UNC13C: variants seen among roughly 807,000 people sequenced by gnomAD.
The protein encoded by UNC13C is unc-13 homolog C, also known as protein unc-13 homolog C.
UNC13C carries 174 observed loss-of-function variants against 245.4 expected under a neutral mutation model. That is an observed-to-expected ratio of 0.71 (90% CI 0.63 to 0.80). The LOEUF (loss-of-function observed/expected upper bound fraction) is 0.80, where lower values mean the gene tolerates loss of function less well. Among genes scored for constraint, UNC13C ranks in the 30% least tolerant of loss-of-function variants. UNC13C has a pLI of 0.00. For synonymous variants in UNC13C, 992 were observed against 895.1 expected (o/e 1.11, Z -1.93); for missense variants, 2,829 against 2,602.9 (o/e 1.09, Z -1.89).
At chr15:53,870,261 T>C in the UNC13C span, among the ~76,000 whole-genome samples, 8 of 152,226 alleles carry the variant, frequency 5.3e-5, no homozygotes, top group African/African-American at 1.9e-4. Context: ...ATGAATTTTT[T>C]CTATTTTTCT....
At chr15:54,554,420 T>C (rs927810348) in intron 28 of UNC13C, among the ~76,000 whole-genome samples, 1 of 152,064 alleles carries the variant, frequency 6.6e-6, no homozygotes, top group Non-Finnish European at 1.5e-5. Context: ...CCGTATGTGT[T>C]AACTTGAAGC....
In UNC13C at chr15:54,034,375, GCCTTACCATCTCTTTTTGTTC is replaced by G. The variant is rs1383586562; in HGVS notation, c.2983+18497_2983+18517del. 1.1e-3 allele frequency among the ~76,000 whole-genome samples: 173 copies of G among 152,228 alleles called. 1 individual carries two copies. Among genetic ancestry groups the G allele is most frequent in the African/African-American group, 4.1e-3 (171 of 41,544 alleles). On this transcript the variant is annotated intron_variant, in intron 2 of 32. Transcript: ENST00000260323. ...TGTACAAAGTCTGTCTCTCTCTGGG[GCCTTACCATCTCTTTTTGTTC>G]CCTTACCTTATCTTACACCTCTGTA...
intron 8 of UNC13C, among the ~76,000 whole-genome samples, chr15:54,263,626 T>C (rs1453687642): frequency 1.3e-5 from 2 of 152,306 alleles, no homozygotes; most frequent in East Asian, 1.9e-4. Flanking sequence ...AGTTACATTA[T>C]AGGTCATTTA....
chr15:54,342,135 T>C (rs2038748657), intron 17 of UNC13C, among the ~76,000 whole-genome samples: 1 of 152,174 alleles, frequency 6.6e-6, no homozygotes, highest in Non-Finnish European at 1.5e-5. Context: ...GTGAATTGCC[T>C]GTCAATCTTT....
At chr15:54,225,216 T>G (rs936944858) in intron 4 of UNC13C, among the ~76,000 whole-genome samples, 2 of 152,086 alleles carry the variant, frequency 1.3e-5, no homozygotes, top group Non-Finnish European at 2.9e-5. Context: ...ACTATAGCCT[T>G]GTAGTATAGT....
chr15:54,220,835 G>C (rs1253754336), intron 4 of UNC13C, among the ~76,000 whole-genome samples: 1 of 151,890 alleles, frequency 6.6e-6, no homozygotes, highest in Non-Finnish European at 1.5e-5. Context: ...TAGGAGGCTT[G>C]TTTGCCTGTT....
intron 2 of UNC13C, among the ~76,000 whole-genome samples, chr15:54,125,309 A>G (rs1266306302): frequency 1.3e-5 from 2 of 152,094 alleles, no homozygotes; most frequent in African/African-American, 4.8e-5. Context: ...TAAAAATACA[A>G]AAAATTAGCC....
In UNC13C at chr15:54,294,029, C is replaced by T; in HGVS notation, c.3953C>T (p.Thr1318Ile). ...FLGQTIVEVR[T>I]LSGEMDVWYN... ...GGACAAACAATTGTAGAAGTGAGGA[C>T]CTTGAGTGGAGAAATGGATGTCTGG... Residue 1318 changes from threonine (T) to isoleucine (I), a missense_variant, in exon 11 of 33, where the codon ACC (threonine) becomes ATC (isoleucine). Coordinates refer to ENST00000260323, the MANE Select transcript of UNC13C (RefSeq NM_001080534.3). 6.4e-7 allele frequency: 1 copy of T among 1,570,982 alleles called. No individual in the cohort carries two copies. The highest frequency in any genetic ancestry group is 8.6e-7 in the Non-Finnish European group (1 of 1,163,298).
chr15:54,404,185 A>G (rs1487296141), intron 18 of UNC13C, among the ~76,000 whole-genome samples: 2 of 152,246 alleles, frequency 1.3e-5, no homozygotes, highest in Non-Finnish European at 2.9e-5. Context: ...AGGCAGTTAC[A>G]GAGAACCATT....
chr15:54,544,522 T>C (rs926390907), intron 26 of UNC13C, among the ~76,000 whole-genome samples: 1 of 152,196 alleles, frequency 6.6e-6, no homozygotes, highest in African/African-American at 2.4e-5. Flanking sequence ...TGTTTGCAGA[T>C]GACATGATTG....
At chr15:53,969,459 G>T in the UNC13C span, among the ~76,000 whole-genome samples, 4 of 152,050 alleles carry the variant, frequency 2.6e-5, no homozygotes, top group Non-Finnish European at 5.9e-5. Context: ...GAGGCAGGAG[G>T]ATTTCTTAAG....
intron 17 of UNC13C, among the ~76,000 whole-genome samples, chr15:54,349,499 T>C (rs982719329): frequency 6.6e-6 from 1 of 151,988 alleles, no homozygotes; most frequent in Non-Finnish European, 1.5e-5. Flanking sequence ...ATGAAAAAAA[T>C]TATAACCTCA....
chr15:53,947,133 C>A, the UNC13C span, among the ~76,000 whole-genome samples: 1 of 152,084 alleles, frequency 6.6e-6, no homozygotes, highest in Non-Finnish European at 1.5e-5. Flanking sequence ...TTATATGTAA[C>A]CAATTAGCAA....
At chr15:53,907,783 A>G in the UNC13C span, among the ~76,000 whole-genome samples, 9 of 114,964 alleles carry the variant, frequency 7.8e-5, 3 homozygotes, top group South Asian at 6.4e-4. Context: ...CTTCATTGCT[A>G]CTATATCTCT....
In UNC13C at chr15:54,038,124, A is replaced by ATAAAATTTTTTTTTTTTTTTTTTTT; in HGVS notation, c.2983+22239_2983+22240insAAAATTTTTTTTTTTTTTTTTTTTT. On this transcript the variant is annotated intron_variant, in intron 2 of 32. Transcript: ENST00000260323. ...CATATATATATATATATATATATAT[A>ATAAAATTTTTTTTTTTTTTTTTTTT]TTTTTTTTTTTTTTTTCCTGAGACA... is the stretch of plus-strand genomic sequence containing the variant. Among the ~76,000 whole-genome samples, 2 of 45,040 alleles carry ATAAAATTTTTTTTTTTTTTTTTTTT rather than the reference A, an allele frequency of 4.4e-5. 1 individual carries two copies. Among genetic ancestry groups the ATAAAATTTTTTTTTTTTTTTTTTTT allele is most frequent in the African/African-American group, 2.1e-4 (2 of 9,442 alleles). The allele number at this position is 45,040 out of a possible 152,430, so 29.5% of individuals were successfully genotyped here. A position where few individuals can be genotyped will look rare whatever the true frequency, so the allele number is the denominator to read the frequency against.
intron 30 of UNC13C, among the ~76,000 whole-genome samples, chr15:54,592,417 T>C (rs1446698530): frequency 6.6e-6 from 1 of 152,196 alleles, no homozygotes; most frequent in Non-Finnish European, 1.5e-5. Context: ...ACTATTATTG[T>C]GTTGCTGTCT....
intron 30 of UNC13C, among the ~76,000 whole-genome samples, chr15:54,570,813 T>G (rs1897722240): frequency 6.6e-6 from 1 of 152,256 alleles, no homozygotes; most frequent in African/African-American, 2.4e-5. Context: ...AGTTATAGTT[T>G]GTACTTATGA....
At chr15:54,408,185 GTGAGACT>G (rs1312952419) in intron 18 of UNC13C, among the ~76,000 whole-genome samples, 3 of 94,726 alleles carry the variant, frequency 3.2e-5, no homozygotes, top group African/African-American at 4.0e-5. Flanking sequence ...GGGTGACAGA[GTGAGACT>G]CTGCCTCAAA....
At chr15:54,395,014 T>A (rs1396472504) in intron 18 of UNC13C, among the ~76,000 whole-genome samples, 1 of 151,864 alleles carries the variant, frequency 6.6e-6, no homozygotes, top group African/African-American at 2.4e-5. Context: ...TTTTCAATTT[T>A]GTTTTTAATG....
Sources: allele counts gnomAD v4.1 joint callset (sites outside exome capture counted in the v4.1 genomes callset), GRCh38; gene constraint gnomAD v4.1.1; transcripts MANE v1.5; gene names NCBI Gene and HGNC (gene_info 2026-07-23, HGNC 2026-07-21).